Variants in PHF10 observed in about 807,000 individuals in gnomAD.
PHF10 encodes PHD finger protein 10, also known as BRG1-associated factor 45a.
PHF10 carries 51 observed loss-of-function variants against 68.5 expected under a neutral mutation model. The observed-to-expected ratio is 0.74, with a 90% CI of 0.59 to 0.94. The LOEUF (loss-of-function observed/expected upper bound fraction) is 0.94. Ranked by LOEUF, PHF10 falls within the 40% of genes least tolerant of loss-of-function variation. The probability of loss-of-function intolerance (pLI) is 0.00; values close to 1 mark genes in which losing one functional copy is unlikely to be tolerated. For missense variants in PHF10, 460 were observed against 602.6 expected (o/e 0.76, Z 2.48); for synonymous variants, 204 against 203.5 (o/e 1.00, Z -0.02).
At chr6:169,718,275 C>A (rs1789097806) in intron 3 of PHF10, among the ~76,000 whole-genome samples, 1 of 152,070 alleles carries the variant, frequency 6.6e-6, no homozygotes, top group African/African-American at 2.4e-5. Flanking sequence ...CTAAAATTTT[C>A]CTCAGGAAAT....
intron 7 of PHF10, 31 bp downstream of exon 7, chr6:169,714,702 G>A (rs760373031): frequency 1.2e-5 from 13 of 1,106,010 alleles, no homozygotes; most frequent in Admixed American, 5.1e-5. Context: ...ACCAATAGCC[G>A]ATACCAACTG....
intron 1 of PHF10, among the ~76,000 whole-genome samples, chr6:169,723,042 A>G (rs1229223648): frequency 6.6e-6 from 1 of 152,262 alleles, no homozygotes; most frequent in Non-Finnish European, 1.5e-5. Flanking sequence ...AAGCAGGCGC[A>G]GCCCGGCTAG....
chr6:169,719,963 G>A (rs1585305295), intron 2 of PHF10, among the ~76,000 whole-genome samples: 1 of 147,916 alleles, frequency 6.8e-6, no homozygotes, highest in Admixed American at 6.7e-5. Flanking sequence ...TATTTAAAAA[G>A]CTCCTACAAC....
At chr6:169,705,805 C>T in intron 9 of PHF10, 81 bp from the exon 10 acceptor site, 1 of 778,914 alleles carries the variant, frequency 1.3e-6, no homozygotes, top group Non-Finnish European at 2.3e-6. Flanking sequence ...ACTTTATTGC[C>T]CTATTTTTAC....
chr6:169,713,942 T>C (rs566710860), intron 7 of PHF10, among the ~76,000 whole-genome samples: 1 of 152,068 alleles, frequency 6.6e-6, no homozygotes, highest in South Asian at 2.1e-4. Context: ...GCCAACATGG[T>C]AAAACCCACC....
chr6:169,723,492 G>C (rs932852404), intron 1 of PHF10, among the ~76,000 whole-genome samples: 1 of 152,230 alleles, frequency 6.6e-6, no homozygotes, highest in Non-Finnish European at 1.5e-5. Flanking sequence ...AACGCTGAGC[G>C]AACGCGCGCT....
chr6:169,717,917 A>G lies in PHF10; in HGVS notation c.326-11T>C, dbSNP rs541612443. 2 of 1,394,242 alleles carry G rather than the reference A, an allele frequency of 1.4e-6. No homozygotes were observed. The highest frequency in any genetic ancestry group is 2.8e-5 in the African/African-American group (2 of 70,896). The allele number at this position is 1,394,242 out of a possible 1,614,324, so 86.4% of individuals were successfully genotyped here. A position where few individuals can be genotyped will look rare whatever the true frequency, so the allele number is the denominator to read the frequency against. On this transcript the variant is annotated splice_polypyrimidine_tract_variant and intron_variant, in intron 3 of 11. Coordinates refer to ENST00000339209, the MANE Select transcript of PHF10 (RefSeq NM_018288.4). ...CTCGTCGCTCTAAATCTCCAAAAAA[A>G]AGATCAAAAGACTATTAAAAACAGC...
At chr6:169,714,043 C>G (rs147849399) in intron 7 of PHF10, among the ~76,000 whole-genome samples, 106 of 151,340 alleles carry the variant, frequency 7.0e-4, no homozygotes, top group African/African-American at 2.5e-3. Context: ...ATCACTTGAA[C>G]ACAGGAGGCA....
Position 169,710,225 on chromosome 6 carries a change from T to C in PHF10, c.1113+11A>G. 1.9e-6 allele frequency: 3 copies of C among 1,572,882 alleles called. No individual in the cohort carries two copies. The highest frequency in any genetic ancestry group is 2.6e-6 in the Non-Finnish European group (3 of 1,164,456). ...AGTAAAGAAGCTGAGTCAGGGGCTT[T>C]TTTCTTCTACCTTGTACCCAGGAAC... On this transcript the variant is annotated intron_variant, in intron 9 of 11. Transcript: ENST00000339209.
intron 9 of PHF10, chr6:169,709,836 A>C (rs1177749068): frequency 1.3e-5 from 2 of 152,902 alleles, no homozygotes; most frequent in African/African-American, 4.8e-5. Flanking sequence ...CAGTATATCC[A>C]CTCATACTTT....
chr6:169,720,940 G>T, intron 2 of PHF10, 65 bp downstream of exon 2: 1 of 799,402 alleles, frequency 1.3e-6, no homozygotes, highest in Non-Finnish European at 2.1e-6. Context: ...GGGGGAAAGG[G>T]AAGAGGATGT....
chr6:169,710,432 A>T (rs1171922430), intron 8 of PHF10, 41 bp from the exon 9 acceptor site: 1 of 1,485,396 alleles, frequency 6.7e-7, no homozygotes, highest in Non-Finnish European at 9.3e-7. Flanking sequence ...TTTGGAATTA[A>T]GACAAATTTG....
intron 8 of PHF10, among the ~76,000 whole-genome samples, chr6:169,712,054 C>T (rs1028963629): frequency 9.2e-5 from 14 of 152,278 alleles, no homozygotes; most frequent in South Asian, 4.1e-4. Context: ...AAGAAAACTA[C>T]ATTTCTGTGT....
intron 9 of PHF10, chr6:169,707,046 C>T (rs1283467495): frequency 6.6e-6 from 1 of 151,960 alleles, no homozygotes; most frequent in Non-Finnish European, 1.5e-5. Context: ...GAATTTTTGG[C>T]TTATTTATTT....
chr6:169,716,647 G>GA (rs1210830831), intron 4 of PHF10, among the ~76,000 whole-genome samples: 2 of 152,028 alleles, frequency 1.3e-5, no homozygotes, highest in Non-Finnish European at 2.9e-5. Context: ...AAATGTTTGT[G>GA]AAAAAAAGAT....
rs796748624 is a variant in PHF10, at chr6:169,714,612, A to G, written c.803+121T>C. On this transcript the variant is annotated intron_variant, in intron 7 of 11. Transcript: ENST00000339209. ...GAACCAGAGAAGAATAGCAACACAA[A>G]TCCTATACGATATCTTACGGTGATA... 16 of 680,464 alleles carry G rather than the reference A, an allele frequency of 2.4e-5. No individual in the cohort carries two copies. In the African/African-American group the frequency reaches 2.9e-4, roughly 12 times the overall value. The allele number at this position is 680,464 out of a possible 1,614,324, so 42.2% of individuals were successfully genotyped here. A position where few individuals can be genotyped will look rare whatever the true frequency, so the allele number is the denominator to read the frequency against.
chr6:169,716,355 A>G (rs1789047224), intron 4 of PHF10, among the ~76,000 whole-genome samples: 1 of 152,116 alleles, frequency 6.6e-6, no homozygotes, highest in Non-Finnish European at 1.5e-5. Context: ...TGCTTTGAAC[A>G]TATATCCCTT....
intron 2 of PHF10, chr6:169,719,212 A>G: frequency 4.2e-6 from 1 of 235,830 alleles, no homozygotes; most frequent in Non-Finnish European, 8.3e-6. Flanking sequence ...ATGAGGGCAA[A>G]GCAAGGTGAT....
chr6:169,713,553 C>T (rs1469311447), intron 7 of PHF10, among the ~76,000 whole-genome samples: 2 of 149,266 alleles, frequency 1.3e-5, no homozygotes, highest in South Asian at 2.1e-4. Flanking sequence ...GAGCCGAGAT[C>T]GCGCCACTGC....
Sources: gnomAD v4.1 joint callset for allele counts (sites outside exome capture counted in the v4.1 genomes callset) on GRCh38, gnomAD v4.1.1 for gene constraint, MANE v1.5 for transcripts, NCBI Gene and HGNC (gene_info 2026-07-23, HGNC 2026-07-21) for gene names.